Variants in AGBL1 observed in about 807,000 individuals in gnomAD.
AGBL1 encodes AGBL carboxypeptidase 1, also known as cytosolic carboxypeptidase 4.
In AGBL1, 130 loss-of-function variants were observed where a neutral mutation model predicts 118.9. The ratio of observed to expected loss-of-function variants is 1.09; its 90% CI spans 0.95 to 1.26. AGBL1 has a LOEUF of 1.26. Ranked by LOEUF, AGBL1 falls within the 50% of genes most tolerant of loss-of-function variation. AGBL1 has a pLI of 0.00. For synonymous variants in AGBL1, 555 were observed against 478.9 expected, an observed-to-expected ratio of 1.16 and a Z score of -2.08; for missense variants, 1,584 against 1,298.1, an observed-to-expected ratio of 1.22 and a Z score of -3.38.
intron 22 of AGBL1, among the ~76,000 whole-genome samples, chr15:86,836,539 C>A (rs1389018424): frequency 6.6e-6 from 1 of 152,132 alleles, no homozygotes; most frequent in Admixed American, 6.6e-5. Context: ...TCTGTTCTCA[C>A]CCCAAGACAA....
intron 17 of AGBL1, among the ~76,000 whole-genome samples, chr15:86,394,747 A>G (rs898914708): frequency 2.6e-5 from 4 of 152,234 alleles, no homozygotes; most frequent in Admixed American, 2.6e-4. Context: ...AAACTGGAGG[A>G]AGAAGAAGGG....
At chr15:86,804,005 C>T (rs2078686011) in intron 22 of AGBL1, among the ~76,000 whole-genome samples, 3 of 151,958 alleles carry the variant, frequency 2.0e-5, no homozygotes, top group Non-Finnish European at 4.4e-5. Context: ...TATAACAAGT[C>T]TGTTATCCAA....
intron 21 of AGBL1, among the ~76,000 whole-genome samples, chr15:86,578,147 C>CAG (rs2084120259): frequency 6.6e-6 from 1 of 152,038 alleles, no homozygotes; most frequent in African/African-American, 2.4e-5. Flanking sequence ...AGGCTGTACC[C>CAG]TGCAGAGCCG....
At chr15:87,008,269 A>G (rs1339090357) in intron 24 of AGBL1, among the ~76,000 whole-genome samples, 8 of 152,262 alleles carry the variant, frequency 5.3e-5, no homozygotes, top group Non-Finnish European at 1.2e-4. Flanking sequence ...AGGTGATTGA[A>G]TCATGGGGGC....
At chr15:86,585,267 G>T (rs1035563655) in intron 21 of AGBL1, among the ~76,000 whole-genome samples, 1 of 152,172 alleles carries the variant, frequency 6.6e-6, no homozygotes, top group African/African-American at 2.4e-5. Context: ...TTGGAAGCAG[G>T]CTGGAGTGTG....
At chr15:86,719,840 G>A (rs2086690472) in intron 22 of AGBL1, among the ~76,000 whole-genome samples, 2 of 152,190 alleles carry the variant, frequency 1.3e-5, no homozygotes, top group Non-Finnish European at 2.9e-5. Flanking sequence ...TGCCTGTTTA[G>A]CAAGGTGGGA....
chr15:86,880,750 T>C (rs1157137413), intron 22 of AGBL1, among the ~76,000 whole-genome samples: 1 of 152,122 alleles, frequency 6.6e-6, no homozygotes, highest in African/African-American at 2.4e-5. Context: ...TGCATATGTA[T>C]GTGGGTGTAC....
At chr15:86,181,685 C>G (rs933223552) in intron 5 of AGBL1, among the ~76,000 whole-genome samples, 1 of 151,560 alleles carries the variant, frequency 6.6e-6, no homozygotes, top group Admixed American at 6.6e-5. Flanking sequence ...AATAATAAGT[C>G]AATACATCAG....
At chr15:86,080,947 G>A (rs1157113471) in intron 1 of AGBL1, among the ~76,000 whole-genome samples, 1 of 151,456 alleles carries the variant, frequency 6.6e-6, no homozygotes, top group East Asian at 1.9e-4. Context: ...GCGGGGGGGG[G>A]TCCATGACCC....
intron 22 of AGBL1, among the ~76,000 whole-genome samples, chr15:86,738,807 G>C (rs571271661): frequency 1.3e-5 from 2 of 152,116 alleles, no homozygotes; most frequent in East Asian, 3.9e-4. Context: ...TTGTGTGGGG[G>C]AAGATAATTT....
Position 86,187,515 on chromosome 15 carries a change from C to T in AGBL1, c.488+28489C>T, listed in dbSNP as rs186565930. Among the ~76,000 whole-genome samples the T allele has an allele frequency of 2.6e-5, 4 of 152,104 alleles. No homozygotes were observed. In the East Asian group the frequency reaches 5.8e-4, roughly 22 times the overall value. On this transcript the variant is annotated intron_variant, in intron 5 of 22. Coordinates refer to ENST00000614907, the MANE Select transcript of AGBL1 (RefSeq NM_001386094.1). Reference sequence around the variant, plus strand: ...GAGTGGGCTCCCTCTCTTTCATTGACCCTAAGCAACTTTCTTAATGCTGCT... The same window carrying T: ...GAGTGGGCTCCCTCTCTTTCATTGATCCTAAGCAACTTTCTTAATGCTGCT...
At chr15:86,965,548 TA>T (rs2081041976) in intron 23 of AGBL1, among the ~76,000 whole-genome samples, 2 of 152,208 alleles carry the variant, frequency 1.3e-5, no homozygotes, top group Non-Finnish European at 1.5e-5. Flanking sequence ...GTCAGATGGA[TA>T]GATTGAAAAA....
chr15:86,764,360 T>C (rs1467699885), intron 22 of AGBL1, among the ~76,000 whole-genome samples: 2 of 151,986 alleles, frequency 1.3e-5, no homozygotes, highest in East Asian at 3.9e-4. Context: ...AGAAGCATGC[T>C]GTTGTCAGAT....
rs193033202 is a variant in AGBL1 at position 86,095,908 on chromosome 15, T to C, written c.51+15885T>C. 3.0e-3 allele frequency among the ~76,000 whole-genome samples: 464 copies of C among 152,238 alleles called. 15 individuals carry two copies. The South Asian group carries it at 0.066, about 22-fold the overall frequency. On this transcript the variant is annotated intron_variant, in intron 1 of 22. Coordinates refer to ENST00000614907, the MANE Select transcript of AGBL1 (RefSeq NM_001386094.1). ...GCAAGCCATGTAACATTCTAGGAAA[T>C]AATTTCCTCATCTATAAAATAAGTG...
At chr15:86,332,180 A>T (rs1212850699) in intron 17 of AGBL1, among the ~76,000 whole-genome samples, 1 of 152,236 alleles carries the variant, frequency 6.6e-6, no homozygotes, top group Non-Finnish European at 1.5e-5. Context: ...GCATTATGTG[A>T]TGATAAAGGG....
chr15:86,631,572 G>T (rs1359216088), intron 21 of AGBL1, among the ~76,000 whole-genome samples: 1 of 152,138 alleles, frequency 6.6e-6, no homozygotes, highest in African/African-American at 2.4e-5. Flanking sequence ...TTGAGTTGAG[G>T]CCTGCTGGCA....
rs114096119 is a variant in AGBL1 at position 86,900,620 on chromosome 15, C to T, written c.3159-6467C>T. ...TTTTTGAGAGTTCAGAAAAGATAAT[C>T]GAGTATCTTATATCGACTATCTTAT... On this transcript the variant is annotated intron_variant, in intron 22 of 22. Coordinates refer to ENST00000614907, the MANE Select transcript of AGBL1 (RefSeq NM_001386094.1). Among the ~76,000 whole-genome samples, 986 of 151,366 alleles carry T rather than the reference C, an allele frequency of 6.5e-3. 6 individuals are homozygous for T. The highest frequency in any genetic ancestry group is 0.023 in the African/African-American group (946 of 41,226).
rs554734978 is a variant in AGBL1, at chr15:86,247,675, G to A, written c.531G>A (p.Ser177=). 23 of 1,601,174 alleles carry A rather than the reference G, an allele frequency of 1.4e-5. No homozygotes were observed. The highest frequency in any genetic ancestry group is 2.7e-5 in the African/African-American group (2 of 74,830). The change falls in exon 7 of 23, where the codon TCG becomes TCA. Residue 177 remains serine (S), a synonymous_variant. Coordinates refer to ENST00000614907, the MANE Select transcript of AGBL1 (RefSeq NM_001386094.1). ...TGCCTTTCCCTTTGTTTTCAGAGTC[G>A]AACGGCCGCAGAGCAGTGAACCGAG... The part of the protein sequence containing the change: ...EVLAALLKSK[S]NGRRAVNRGY...
chr15:86,199,026 G>A (rs543220966), intron 5 of AGBL1, among the ~76,000 whole-genome samples: 1 of 152,126 alleles, frequency 6.6e-6, no homozygotes, highest in Non-Finnish European at 1.5e-5. Context: ...TAGTTTTCTA[G>A]TCGCTTTAAT....
Sources: allele counts gnomAD v4.1 joint callset (sites outside exome capture counted in the v4.1 genomes callset), GRCh38; gene constraint gnomAD v4.1.1; transcripts MANE v1.5; gene names NCBI Gene and HGNC (gene_info 2026-07-23, HGNC 2026-07-21).